The following NEBL variants were observed in gnomAD, a reference collection of about 807,000 sequenced individuals.
NEBL encodes LIM and SH3 protein 2.
Under a neutral mutation model 140.2 loss-of-function variants are expected in NEBL, and 122 were observed. That is an observed-to-expected ratio of 0.87 (90% CI 0.75 to 1.01). The LOEUF (loss-of-function observed/expected upper bound fraction) is 1.01, where lower values mean the gene tolerates loss of function less well. NEBL is among the 50% of genes least tolerant of loss of function. The pLI is 0.00. For synonymous variants in NEBL, 436 were observed against 398.9 expected (o/e 1.09, Z -1.11); for missense variants, 1,365 against 1,231.3 (o/e 1.11, Z -1.62).
chr10:20,793,658 A>ACTCTGCAGTTCCTAAATAT (rs1836225870), intron 26 of NEBL, among the ~76,000 whole-genome samples: 1 of 151,202 alleles, frequency 6.6e-6, no homozygotes, highest in African/African-American at 2.4e-5. Context: ...GGCTCAAGCG[A>ACTCTGCAGTTCCTAAATAT]TCCTCCCACC....
At chr10:21,039,068 T>G (rs1206653593) in intron 2 of NEBL, among the ~76,000 whole-genome samples, 16 of 135,472 alleles carry the variant, frequency 1.2e-4, no homozygotes, top group Admixed American at 1.0e-3. Context: ...CTGTTTTTTT[T>G]TTTTTTTTTT....
chr10:21,036,404 T>A (rs1345178639), intron 2 of NEBL, among the ~76,000 whole-genome samples: 5 of 151,784 alleles, frequency 3.3e-5, no homozygotes, highest in Non-Finnish European at 5.9e-5. Flanking sequence ...CAGTGAGCCA[T>A]AATTGCACCT....
At chr10:21,287,339 C>G (rs1843070021) in intron 1 of NEBL, among the ~76,000 whole-genome samples, 1 of 152,124 alleles carries the variant, frequency 6.6e-6, no homozygotes, top group Non-Finnish European at 1.5e-5. Flanking sequence ...AGTCTGGGAC[C>G]AGCCTGGGCA....
chr10:21,109,631 G>A (rs531653160), intron 2 of NEBL, among the ~76,000 whole-genome samples: 1 of 152,170 alleles, frequency 6.6e-6, no homozygotes, highest in East Asian at 1.9e-4. Flanking sequence ...TCTGGTCCTG[G>A]ACTTTTTTTG....
chr10:20,812,632 C>T lies in NEBL; in HGVS notation c.2518+137G>A. ...CACATCGTACAAAAATAATACTTTA[C>T]CTGCGGTCCATTTTAAATTGGGTAC... On this transcript the variant is annotated intron_variant, in intron 24 of 27. Coordinates refer to ENST00000377122, the MANE Select transcript of NEBL (RefSeq NM_006393.3). 5.9e-6 allele frequency: 6 copies of T among 1,023,710 alleles called. No homozygotes were observed. The South Asian group carries it at 6.8e-5, about 12-fold the overall frequency. 63.4% of individuals were successfully genotyped at this position (1,023,710 alleles called of 1,614,324 possible).
At chr10:21,146,782 T>G (rs754175065) in intron 2 of NEBL, among the ~76,000 whole-genome samples, 267 of 152,344 alleles carry the variant, frequency 1.8e-3, no homozygotes, top group Middle Eastern at 3.4e-3. Context: ...GTCCCAAAGA[T>G]ATTACTGAAC....
At chr10:20,979,606 A>C (rs1265263568) in intron 3 of NEBL, among the ~76,000 whole-genome samples, 3 of 152,236 alleles carry the variant, frequency 2.0e-5, no homozygotes, top group Non-Finnish European at 4.4e-5. Flanking sequence ...CTTATCCCAT[A>C]GATTCTCTTT....
chr10:21,042,639 T>A (rs1004189415), intron 2 of NEBL, among the ~76,000 whole-genome samples: 1 of 152,226 alleles, frequency 6.6e-6, no homozygotes, highest in Non-Finnish European at 1.5e-5. Flanking sequence ...GCCAGCTTGA[T>A]GGCTTGAAAT....
intron 2 of NEBL, among the ~76,000 whole-genome samples, chr10:21,072,397 A>G (rs905939549): frequency 6.6e-6 from 1 of 152,224 alleles, no homozygotes; most frequent in Non-Finnish European, 1.5e-5. Context: ...AAAGAGGGTC[A>G]CATTCTGAGG....
At chr10:21,204,580 C>A (rs1841796496) in intron 3 of NEBL, among the ~76,000 whole-genome samples, 1 of 152,172 alleles carries the variant, frequency 6.6e-6, no homozygotes, top group Non-Finnish European at 1.5e-5. Flanking sequence ...GGACTTCCCG[C>A]CTCCAGAACT....
At chr10:20,813,056 G>A (rs1023366132) in intron 23 of NEBL, 116 bp from the exon 24 acceptor site, 5 of 856,038 alleles carry the variant, frequency 5.8e-6, no homozygotes, top group Admixed American at 2.0e-5. Flanking sequence ...CTACATGTAT[G>A]TATCTTTTCC....
At chr10:20,867,843 A>G (rs1440093701) in intron 7 of NEBL, 1 of 152,006 alleles carries the variant, frequency 6.6e-6, no homozygotes, top group East Asian at 1.9e-4. Context: ...TACATACTGG[A>G]ATCTATTTCA....
intron 2 of NEBL, among the ~76,000 whole-genome samples, chr10:21,023,617 C>T (rs1838890268): frequency 6.6e-6 from 1 of 152,030 alleles, no homozygotes; most frequent in Non-Finnish European, 1.5e-5. Context: ...ATCGCTGGAA[C>T]CCAGGAGGCG....
chr10:21,029,539 G>C (rs1279693248), intron 2 of NEBL: 3 of 1,607,220 alleles, frequency 1.9e-6, no homozygotes, highest in Non-Finnish European at 2.6e-6. Flanking sequence ...AGACAGGGAC[G>C]ATCGTTCTTT....
At chr10:20,904,756 A>C (rs565630571) in intron 4 of NEBL, among the ~76,000 whole-genome samples, 2 of 152,234 alleles carry the variant, frequency 1.3e-5, no homozygotes, top group South Asian at 2.1e-4. Context: ...CAGTAAATGC[A>C]ATGACTTAAT....
At chr10:21,080,298 T>C (rs1836305369) in intron 2 of NEBL, among the ~76,000 whole-genome samples, 1 of 152,262 alleles carries the variant, frequency 6.6e-6, no homozygotes, top group South Asian at 2.1e-4. Flanking sequence ...CTCAAAACTC[T>C]GTGAAAATTC....
chr10:20,897,566 G>C (rs151313912), upstream of NEBL: 143 of 1,045,822 alleles, frequency 1.4e-4, no homozygotes, highest in African/African-American at 2.2e-3. Context: ...AAAGGACTTA[G>C]AGATTCTGGG....
intron 4 of NEBL, among the ~76,000 whole-genome samples, chr10:20,911,232 A>G (rs1848320479): frequency 6.6e-6 from 1 of 152,174 alleles, no homozygotes; most frequent in Admixed American, 6.6e-5. Flanking sequence ...TACACATCTT[A>G]TCTCATAAAA....
At chr10:21,122,002 G>GGGT (rs1838596064) in intron 2 of NEBL, among the ~76,000 whole-genome samples, 1 of 149,434 alleles carries the variant, frequency 6.7e-6, no homozygotes, top group African/African-American at 2.5e-5. Context: ...GATTTCTCCT[G>GGGT]GTTGTTGTTG....
Sources: gnomAD v4.1 joint callset for allele counts (sites outside exome capture counted in the v4.1 genomes callset) on GRCh38, gnomAD v4.1.1 for gene constraint, MANE v1.5 for transcripts, NCBI Gene and HGNC (gene_info 2026-07-23, HGNC 2026-07-21) for gene names.